The following RBFOX1 variants were observed in gnomAD, a reference collection of about 807,000 sequenced individuals.
RBFOX1 encodes the protein RNA binding fox-1 homolog 1.
Under a neutral mutation model 57.7 loss-of-function variants are expected in RBFOX1, and 8 were observed. That is an observed-to-expected ratio of 0.14 (90% CI 0.08 to 0.25). The LOEUF is 0.25. Among genes scored for constraint, RBFOX1 ranks in the 10% least tolerant of loss-of-function variants. RBFOX1 has a pLI of 1.00. For missense variants in RBFOX1, 611 were observed against 548.5 expected (o/e 1.11, Z -1.14); for synonymous variants, 326 against 222.4 (o/e 1.47, Z -4.15).
intron 3 of RBFOX1, among the ~76,000 whole-genome samples, chr16:6,807,292 T>G (rs776060552): frequency 7.2e-5 from 11 of 152,080 alleles, no homozygotes; most frequent in Non-Finnish European, 1.3e-4. Flanking sequence ...AAACAGCAGA[T>G]TCAAGAGTTC....
At chr16:5,662,082 G>A (rs892157099) in intron 3 of RBFOX1, among the ~76,000 whole-genome samples, 5 of 152,158 alleles carry the variant, frequency 3.3e-5, no homozygotes, top group East Asian at 3.9e-4. Context: ...TACCGCGCCC[G>A]GCCAAAACTT....
chr16:5,383,893 G>T (rs1471872640), intron 1 of RBFOX1, among the ~76,000 whole-genome samples: 1 of 152,178 alleles, frequency 6.6e-6, no homozygotes, highest in African/African-American at 2.4e-5. Flanking sequence ...TTCAGGTAAG[G>T]CTTGATCTAG....
At chr16:6,800,396 G>C (rs964354595) in intron 3 of RBFOX1, among the ~76,000 whole-genome samples, 4 of 152,122 alleles carry the variant, frequency 2.6e-5, no homozygotes, top group African/African-American at 4.8e-5. Flanking sequence ...CTCTAGGATA[G>C]TGCTTCTCAC....
chr16:7,090,282 A>G (rs1211884959), intron 4 of RBFOX1, among the ~76,000 whole-genome samples: 1 of 152,224 alleles, frequency 6.6e-6, no homozygotes, highest in East Asian at 1.9e-4. Context: ...TTAAATTTGT[A>G]AAGTAACCTC....
intron 3 of RBFOX1, among the ~76,000 whole-genome samples, chr16:5,778,308 C>A (rs1462678115): frequency 6.6e-6 from 1 of 152,124 alleles, no homozygotes; most frequent in African/African-American, 2.4e-5. Flanking sequence ...GTGTGAGTTT[C>A]CATGATCTCA....
chr16:5,551,099 C>A (rs940376643), intron 2 of RBFOX1, among the ~76,000 whole-genome samples: 21 of 152,282 alleles, frequency 1.4e-4, no homozygotes, highest in African/African-American at 4.8e-4. Context: ...TGGGAGGTTT[C>A]TCCTGCCACT....
chr16:6,765,749 C>G (rs1371026320), intron 3 of RBFOX1, among the ~76,000 whole-genome samples: 1 of 152,056 alleles, frequency 6.6e-6, no homozygotes, highest in African/African-American at 2.4e-5. Flanking sequence ...GCCCAGCAAC[C>G]AATAAGTAGA....
chr16:7,410,189 A>G (rs1232820473), intron 4 of RBFOX1, among the ~76,000 whole-genome samples: 1 of 117,040 alleles, frequency 8.5e-6, no homozygotes, highest in Non-Finnish European at 1.9e-5. Flanking sequence ...ATAATAGCTC[A>G]TCTGCGCTGG....
chr16:5,590,290 C>T (rs1024091331), intron 2 of RBFOX1, among the ~76,000 whole-genome samples: 5 of 152,090 alleles, frequency 3.3e-5, no homozygotes, highest in African/African-American at 9.7e-5. Flanking sequence ...GATTTCTTTG[C>T]CCTGGGGAGA....
At chr16:6,609,035 C>T (rs931334203) in intron 2 of RBFOX1, among the ~76,000 whole-genome samples, 1 of 152,186 alleles carries the variant, frequency 6.6e-6, no homozygotes, top group Middle Eastern at 3.2e-3. Context: ...CTGTCTCCCT[C>T]TCCCATATTT....
At chr16:6,308,170 C>T (rs7192687) in intron 1 of RBFOX1, among the ~76,000 whole-genome samples, 151,198 of 152,018 alleles carry the variant, frequency 0.99, 75,200 homozygotes, top group East Asian at 1. Flanking sequence ...CATTTACATA[C>T]TTTTATAAAT....
At chr16:5,811,923 C>A (rs950452749) in intron 3 of RBFOX1, among the ~76,000 whole-genome samples, 1 of 152,150 alleles carries the variant, frequency 6.6e-6, no homozygotes, top group African/African-American at 2.4e-5. Context: ...TGTAGTTAAT[C>A]TACTCTCCCT....
At chr16:7,120,830 TACACACACACACACACAC>T (rs397836603) in intron 4 of RBFOX1, among the ~76,000 whole-genome samples, 1 of 86,542 alleles carries the variant, frequency 1.2e-5, no homozygotes, top group Admixed American at 1.3e-4. Flanking sequence ...TATGTATATA[TACACACACACACACACAC>T]ACACACACAC....
intron 4 of RBFOX1, among the ~76,000 whole-genome samples, chr16:7,487,271 C>T (rs1245076910): frequency 1.3e-5 from 2 of 152,172 alleles, no homozygotes; most frequent in Non-Finnish European, 2.9e-5. Flanking sequence ...ACATGGTATA[C>T]TCCTTCCTCA....
intron 1 of RBFOX1, among the ~76,000 whole-genome samples, chr16:6,286,676 T>C (rs1034583417): frequency 6.6e-6 from 1 of 152,184 alleles, no homozygotes; most frequent in Non-Finnish European, 1.5e-5. Flanking sequence ...TGTGTTCTTT[T>C]GTTTACCCAC....
intron 4 of RBFOX1, among the ~76,000 whole-genome samples, chr16:7,096,714 C>T (rs1374893948): frequency 1.3e-5 from 2 of 151,934 alleles, no homozygotes; most frequent in Non-Finnish European, 2.9e-5. Flanking sequence ...GGTATATCAC[C>T]TGAGGTCAGG....
intron 3 of RBFOX1, among the ~76,000 whole-genome samples, chr16:6,893,185 G>C (rs2153382760): frequency 6.6e-6 from 1 of 152,210 alleles, no homozygotes; most frequent in South Asian, 2.1e-4. Flanking sequence ...GCAGTGGAGT[G>C]AGTTTACAGG....
chr16:5,270,680 A>G, intron 1 of RBFOX1: 1 of 534,204 alleles, frequency 1.9e-6, no homozygotes, highest in Non-Finnish European at 3.5e-6. Flanking sequence ...AAGGTGTTGG[A>G]AATCATGACC....
chr16:7,204,681 A>C (rs1413933702), intron 4 of RBFOX1, among the ~76,000 whole-genome samples: 1 of 152,180 alleles, frequency 6.6e-6, no homozygotes, highest in African/African-American at 2.4e-5. Context: ...TCACTGTTCT[A>C]AGACATCAGG....
Sources: allele counts gnomAD v4.1 joint callset (sites outside exome capture counted in the v4.1 genomes callset), GRCh38; gene constraint gnomAD v4.1.1; transcripts MANE v1.5; gene names NCBI Gene and HGNC (gene_info 2026-07-23, HGNC 2026-07-21).